RGS22: variants seen among roughly 807,000 people sequenced by gnomAD.
The protein encoded by RGS22 is regulator of G protein signaling 22, also known as regulator of G-protein signaling 22.
Under a neutral mutation model 172.9 loss-of-function variants are expected in RGS22, and 148 were observed. That is an observed-to-expected ratio of 0.86 (90% CI 0.75 to 0.98). The LOEUF is 0.98. Among genes scored for constraint, RGS22 ranks in the 50% least tolerant of loss-of-function variants. RGS22 has a pLI of 0.00. For synonymous variants in RGS22, 458 were observed against 480.2 expected (o/e 0.95, Z 0.60); for missense variants, 1,347 against 1,440.8 (o/e 0.93, Z 1.05).
chr8:99,981,417 T>C (rs1311777010), intron 22 of RGS22, among the ~76,000 whole-genome samples: 1 of 152,134 alleles, frequency 6.6e-6, no homozygotes, highest in Non-Finnish European at 1.5e-5. Context: ...TGGTAGCAGA[T>C]ATTTTAAAAG....
intron 24 of RGS22, 128 bp downstream of exon 24, chr8:99,965,206 CT>C (rs1375075655): frequency 4.0e-6 from 2 of 504,866 alleles, no homozygotes; most frequent in Admixed American, 7.1e-5. Context: ...TCAATCTCTC[CT>C]ACTATTATAA....
chr8:100,069,871 T>C (rs1046805922), intron 6 of RGS22, among the ~76,000 whole-genome samples: 23 of 151,752 alleles, frequency 1.5e-4, no homozygotes, highest in African/African-American at 5.6e-4. Context: ...CTACTAAAAA[T>C]ACAAGAATTA....
chr8:100,024,249 C>T (rs865886792), intron 14 of RGS22, among the ~76,000 whole-genome samples: 2 of 152,162 alleles, frequency 1.3e-5, no homozygotes, highest in Non-Finnish European at 2.9e-5. Flanking sequence ...CAGGTGTGAG[C>T]CACCAAGCCC....
At chr8:100,031,799 T>C (rs767782008) in intron 14 of RGS22, among the ~76,000 whole-genome samples, 2 of 151,972 alleles carry the variant, frequency 1.3e-5, no homozygotes, top group Non-Finnish European at 2.9e-5. Flanking sequence ...GTATGTAATG[T>C]CAAAAAAACT....
intron 20 of RGS22, among the ~76,000 whole-genome samples, chr8:99,993,128 G>A (rs938561611): frequency 6.6e-6 from 1 of 152,048 alleles, no homozygotes; most frequent in African/African-American, 2.4e-5. Context: ...TGTGTAGAGG[G>A]AAATTTATAG....
intron 1 of RGS22, 106 bp from the exon 2 acceptor site, chr8:100,105,508 G>A (rs563004577): frequency 1.1e-5 from 10 of 875,562 alleles, no homozygotes; most frequent in African/African-American, 8.5e-5. Flanking sequence ...ACAGGCAAAC[G>A]TAGCACATTT....
chr8:99,977,948 A>AT lies in RGS22; in HGVS notation c.3487_3488insA (p.Leu1163TyrfsTer32). 1 of 1,562,232 alleles carries AT rather than the reference A, an allele frequency of 6.4e-7. No homozygotes were observed. Among genetic ancestry groups the AT allele is most frequent in the Non-Finnish European group, 8.6e-7 (1 of 1,162,872 alleles). Reference sequence around the variant, plus strand: ...AGATTTTTCGTCTTCTAGGACTGCCAATTTTTTTTTCTGCTTATTATATTC... The same window carrying AT: ...AGATTTTTCGTCTTCTAGGACTGCCATATTTTTTTTTCTGCTTATTATATTC... On this transcript the variant is annotated frameshift_variant, in exon 23 of 28. Transcript: ENST00000360863. LOFTEE classifies it high-confidence loss of function.
At chr8:100,074,586 T>C (rs990111316) in intron 4 of RGS22, among the ~76,000 whole-genome samples, 4 of 152,352 alleles carry the variant, frequency 2.6e-5, no homozygotes, top group African/African-American at 9.6e-5. Context: ...TGTTCTTTCA[T>C]GTATAAATAC....
At chr8:100,025,289 G>A (rs1323105289) in intron 14 of RGS22, among the ~76,000 whole-genome samples, 1 of 152,156 alleles carries the variant, frequency 6.6e-6, no homozygotes, top group Admixed American at 6.5e-5. Context: ...AAGCCTGGCC[G>A]CTAATTGGGA....
At position 100,040,094 on chromosome 8, in the gene RGS22, A is replaced by G; in HGVS notation, c.1939-7T>C. The stretch of plus-strand genomic sequence containing the variant: ...CATCTGACACGGTTTTAACCTAGAT[A>G]ACAAAACAGAAGTCTATTATCCACC... On this transcript the variant is annotated splice_region_variant and splice_polypyrimidine_tract_variant and intron_variant, in intron 12 of 27. Coordinates refer to ENST00000360863, the MANE Select transcript of RGS22 (RefSeq NM_015668.5). The G allele has an allele frequency of 6.2e-7, 1 of 1,605,330 alleles. No individual in the cohort carries two copies.
At position 100,008,420 on chromosome 8, in the gene RGS22, C is replaced by T; in HGVS notation, c.2316G>A (p.Glu772=). ...CCGATTTTACCATCTTTGTCCATGGCTCAAGAAGGAGGAGAAGGATATATT... is the reference window on the plus strand; with the variant it reads ...CCGATTTTACCATCTTTGTCCATGGTTCAAGAAGGAGGAGAAGGATATATT... ...AEEYILLLLL[E]PWTKMVKSDQ... Residue 772 remains glutamate (E), a synonymous_variant, in exon 15 of 28, where the codon GAG becomes GAA. Coordinates refer to ENST00000360863, the MANE Select transcript of RGS22 (RefSeq NM_015668.5). The T allele has an allele frequency of 6.2e-7, 1 of 1,612,908 alleles. No homozygotes were observed.
chr8:100,042,108 G>C (rs1248879833), intron 11 of RGS22, 192 bp from the exon 12 acceptor site: 1 of 452,378 alleles, frequency 2.2e-6, no homozygotes, highest in Non-Finnish European at 4.0e-6. Flanking sequence ...TAGTTATACA[G>C]AAAGACAATT....
chr8:100,011,151 T>C (rs1164075543), intron 14 of RGS22, among the ~76,000 whole-genome samples: 1 of 152,104 alleles, frequency 6.6e-6, no homozygotes, highest in Non-Finnish European at 1.5e-5. Context: ...TAAGAGAAGA[T>C]ACTTTAAAGG....
chr8:100,056,985 A>C (rs371806170), intron 9 of RGS22, among the ~76,000 whole-genome samples: 13 of 152,182 alleles, frequency 8.5e-5, no homozygotes, highest in African/African-American at 3.1e-4. Flanking sequence ...CAGCCCATGA[A>C]GGCAGTCGGG....
At chr8:100,039,370 G>A (rs79705793) in intron 13 of RGS22, among the ~76,000 whole-genome samples, 1,803 of 127,030 alleles carry the variant, frequency 0.014, 33 homozygotes, top group African/African-American at 0.047. Flanking sequence ...AATTGAACCA[G>A]TTAAATACTT....
At chr8:100,037,361 C>CA (rs1197036621) in intron 14 of RGS22, among the ~76,000 whole-genome samples, 1 of 152,106 alleles carries the variant, frequency 6.6e-6, no homozygotes, top group Non-Finnish European at 1.5e-5. Flanking sequence ...GCAAGTATGT[C>CA]AAAAAACAAC....
chr8:99,969,228 G>A (rs1811075676), intron 23 of RGS22, among the ~76,000 whole-genome samples: 1 of 152,264 alleles, frequency 6.6e-6, no homozygotes, highest in South Asian at 2.1e-4. Flanking sequence ...CCTTACAAGA[G>A]CTCCTGAAGG....
At chr8:100,081,886 C>G (rs183967903) in intron 3 of RGS22, among the ~76,000 whole-genome samples, 1 of 146,722 alleles carries the variant, frequency 6.8e-6, no homozygotes, top group Non-Finnish European at 1.5e-5. Context: ...AACAAGAGAA[C>G]AAGTTTGACT....
intron 2 of RGS22, among the ~76,000 whole-genome samples, chr8:100,096,589 C>A (rs1812985030): frequency 7.0e-6 from 1 of 141,988 alleles, no homozygotes; most frequent in African/African-American, 2.7e-5. Flanking sequence ...GCTGCACCTT[C>A]AAATCAGATG....
Sources: allele counts gnomAD v4.1 joint callset (sites outside exome capture counted in the v4.1 genomes callset), GRCh38; gene constraint gnomAD v4.1.1; transcripts MANE v1.5; gene names NCBI Gene and HGNC (gene_info 2026-07-23, HGNC 2026-07-21).